AGBL1: variants seen among roughly 807,000 people sequenced by gnomAD.
The protein encoded by AGBL1 is AGBL carboxypeptidase 1, also known as cytosolic carboxypeptidase 4.
Under a neutral mutation model 118.9 loss-of-function variants are expected in AGBL1, and 130 were observed. The ratio of observed to expected loss-of-function variants is 1.09; its 90% CI spans 0.95 to 1.26. AGBL1 has a LOEUF of 1.26. Ranked by LOEUF, AGBL1 falls within the 50% of genes most tolerant of loss-of-function variation. The pLI is 0.00. For synonymous variants in AGBL1, 555 were observed against 478.9 expected, an observed-to-expected ratio of 1.16 and a Z score of -2.08; for missense variants, 1,584 against 1,298.1, an observed-to-expected ratio of 1.22 and a Z score of -3.38.
chr15:86,134,768 T>A (rs948177670), intron 1 of AGBL1, among the ~76,000 whole-genome samples: 3 of 151,776 alleles, frequency 2.0e-5, no homozygotes, highest in Admixed American at 2.0e-4. Flanking sequence ...CACGTGCCAC[T>A]ACGCCCAGTT....
At chr15:86,548,913 C>A (rs962063865) in intron 20 of AGBL1, among the ~76,000 whole-genome samples, 1 of 151,928 alleles carries the variant, frequency 6.6e-6, no homozygotes, top group African/African-American at 2.4e-5. Context: ...AGCTTCCAAT[C>A]GTGGTAGAAG....
intron 21 of AGBL1, among the ~76,000 whole-genome samples, chr15:86,593,055 T>C (rs1346075050): frequency 6.6e-6 from 1 of 152,192 alleles, no homozygotes; most frequent in Non-Finnish European, 1.5e-5. Context: ...GCTCTCTCTC[T>C]GCAGTACGGA....
intron 17 of AGBL1, among the ~76,000 whole-genome samples, chr15:86,381,224 C>T (rs1318309414): frequency 1.3e-5 from 2 of 152,162 alleles, no homozygotes; most frequent in African/African-American, 2.4e-5. Context: ...CTTTTGCCAT[C>T]ATTGTCTGTA....
intron 18 of AGBL1, among the ~76,000 whole-genome samples, chr15:86,425,742 G>A (rs2081858801): frequency 1.3e-5 from 2 of 152,258 alleles, no homozygotes; most frequent in South Asian, 4.2e-4. Flanking sequence ...GATGTCCAGG[G>A]CCAACATGCT....
chr15:86,250,423 G>T (rs1256575991), intron 7 of AGBL1, among the ~76,000 whole-genome samples: 1 of 151,326 alleles, frequency 6.6e-6, no homozygotes, highest in Non-Finnish European at 1.5e-5. Flanking sequence ...CTACTCAGGA[G>T]GCTGAGACAG....
At chr15:86,348,313 C>T (rs936929212) in intron 17 of AGBL1, among the ~76,000 whole-genome samples, 1 of 152,130 alleles carries the variant, frequency 6.6e-6, no homozygotes, top group East Asian at 1.9e-4. Context: ...AGAAACCAGC[C>T]CCGCCTTGAC....
chr15:86,837,242 C>T (rs555508609), intron 22 of AGBL1, among the ~76,000 whole-genome samples: 4 of 148,832 alleles, frequency 2.7e-5, no homozygotes, highest in Non-Finnish European at 3.0e-5. Flanking sequence ...AAAAAAAATG[C>T]CATTTAGTAC....
At chr15:86,245,110 C>T (rs2078699748) in intron 6 of AGBL1, among the ~76,000 whole-genome samples, 1 of 151,652 alleles carries the variant, frequency 6.6e-6, no homozygotes. Context: ...CACAAATGGG[C>T]CAAAAAATCA....
chr15:86,999,371 C>T (rs1056626778), intron 24 of AGBL1, among the ~76,000 whole-genome samples: 1 of 147,160 alleles, frequency 6.8e-6, no homozygotes, highest in East Asian at 2.0e-4. Flanking sequence ...TCCCTCCCCC[C>T]TGCCACCACC....
intron 22 of AGBL1, among the ~76,000 whole-genome samples, chr15:86,832,771 ACCT>A (rs1441806908): frequency 6.6e-6 from 1 of 152,056 alleles, no homozygotes; most frequent in Non-Finnish European, 1.5e-5. Context: ...GACTGTTCCA[ACCT>A]CTGCCTGTTA....
At chr15:86,977,453 A>T (rs1376502147) in intron 23 of AGBL1, among the ~76,000 whole-genome samples, 1 of 151,374 alleles carries the variant, frequency 6.6e-6, no homozygotes, top group Non-Finnish European at 1.5e-5. Flanking sequence ...ATCAAATATC[A>T]TTGGATAGTC....
intron 23 of AGBL1, chr15:86,938,804 G>C (rs778119666): frequency 6.6e-6 from 1 of 152,128 alleles, no homozygotes. Context: ...CAGTAGAAGT[G>C]AACTTCTCCC....
At chr15:86,816,491 G>A (rs1287730924) in intron 22 of AGBL1, among the ~76,000 whole-genome samples, 4 of 152,194 alleles carry the variant, frequency 2.6e-5, no homozygotes, top group South Asian at 4.1e-4. Flanking sequence ...AGGTTAAAAG[G>A]AAATAGAAGC....
intron 18 of AGBL1, among the ~76,000 whole-genome samples, chr15:86,397,784 T>C (rs1408367782): frequency 6.6e-6 from 1 of 152,190 alleles, no homozygotes; most frequent in Non-Finnish European, 1.5e-5. Context: ...ACTTGAGACT[T>C]GGACCAGTCT....
intron 5 of AGBL1, among the ~76,000 whole-genome samples, chr15:86,206,561 C>T (rs2077995513): frequency 6.6e-6 from 1 of 152,150 alleles, no homozygotes; most frequent in Non-Finnish European, 1.5e-5. Flanking sequence ...TCTCTGATGG[C>T]CAGTGATGAT....
intron 22 of AGBL1, among the ~76,000 whole-genome samples, chr15:86,849,936 T>C (rs1057260771): frequency 1.3e-5 from 2 of 152,254 alleles, no homozygotes; most frequent in African/African-American, 4.8e-5. Context: ...TTTTGGTCTT[T>C]TACAATTTGG....
intron 21 of AGBL1, among the ~76,000 whole-genome samples, chr15:86,596,308 C>T (rs1198785588): frequency 6.6e-6 from 1 of 152,128 alleles, no homozygotes; most frequent in Non-Finnish European, 1.5e-5. Flanking sequence ...TTGCTAGGAT[C>T]CAAGTCCCCA....
chr15:86,925,137 AGAGGAAGAGGAGGAGGAG>A (rs2080519369), intron 23 of AGBL1, among the ~76,000 whole-genome samples: 1 of 25,240 alleles, frequency 4.0e-5, no homozygotes, highest in South Asian at 3.4e-3. Context: ...AGGAAGAGGA[AGAGGAAGAGGAGGAGGAG>A]GAGGAGGAGG....
At chr15:86,104,596 T>G (rs1896926606) in intron 1 of AGBL1, among the ~76,000 whole-genome samples, 2 of 151,942 alleles carry the variant, frequency 1.3e-5, no homozygotes, top group Admixed American at 6.6e-5. Flanking sequence ...CTACTGGGAG[T>G]GGCAGGCTTG....
Sources: gnomAD v4.1 joint callset for allele counts (sites outside exome capture counted in the v4.1 genomes callset) on GRCh38, gnomAD v4.1.1 for gene constraint, MANE v1.5 for transcripts, NCBI Gene and HGNC (gene_info 2026-07-23, HGNC 2026-07-21) for gene names.